Variants in HSPA9 observed in about 807,000 individuals in gnomAD.
HSPA9 encodes stress-70 protein, mitochondrial.
Under a neutral mutation model 81.5 loss-of-function variants are expected in HSPA9, and 28 were observed. The ratio of observed to expected loss-of-function variants is 0.34; its 90% CI spans 0.25 to 0.47. The LOEUF is 0.47. Ranked by LOEUF, HSPA9 falls within the 20% of genes least tolerant of loss-of-function variation. The pLI, the probability that HSPA9 is intolerant of heterozygous loss-of-function variation, is 1.00. For synonymous variants in HSPA9, 293 were observed against 290.4 expected, an observed-to-expected ratio of 1.01 and a Z score of -0.09; for missense variants, 678 against 838.0, an observed-to-expected ratio of 0.81 and a Z score of 2.36.
At chr5:138,572,768 T>C (rs1399331013) in intron 3 of HSPA9, among the ~76,000 whole-genome samples, 1 of 152,228 alleles carries the variant, frequency 6.6e-6, no homozygotes, top group Non-Finnish European at 1.5e-5. Context: ...TTGGGCTTCT[T>C]GGCATTTTTC....
In HSPA9 at chr5:138,555,452, A is replaced by AG. The variant is rs1160476244; in HGVS notation, c.*584dup. The AG allele has an allele frequency of 6.5e-6, 1 of 154,840 alleles. No individual in the cohort carries two copies. The highest frequency in any genetic ancestry group is 1.9e-4 in the East Asian group (1 of 5,268). The allele number at this position is 154,840 out of a possible 1,614,324, so 9.6% of individuals were successfully genotyped here. On this transcript the variant is annotated 3_prime_UTR_variant, in exon 17 of 17. Transcript: ENST00000297185. ...GAAGGTAGCTAGAAAAGTATGCCTT[A>AG]GGGAAGTTAAAGGTCTAGCCTCATT...
rs774935246 is a variant in HSPA9 at position 138,568,924 on chromosome 5, C to A, written c.535+1G>T. 6.2e-7 allele frequency: 1 copy of A among 1,613,822 alleles called. No homozygotes were observed. The highest frequency in any genetic ancestry group is 1.1e-5 in the South Asian group (1 of 91,066). The stretch of plus-strand genomic sequence containing the variant: ...CCCAGATGTGAACTAAACCCACTCA[C>A]CTGCAGTCTCTTTCATCTTCATCAA... On this transcript the variant is annotated splice_donor_variant, in intron 5 of 16. Coordinates refer to ENST00000297185, the MANE Select transcript of HSPA9 (RefSeq NM_004134.7). LOFTEE classifies it high-confidence loss of function.
rs375708550 is a variant in HSPA9 at position 138,567,734 on chromosome 5, T to G, written c.536-12A>C. 119 of 1,595,958 alleles carry G rather than the reference T, an allele frequency of 7.5e-5. No homozygotes were observed. Among genetic ancestry groups the G allele is most frequent in the Non-Finnish European group, 9.3e-5 (108 of 1,164,138 alleles). On this transcript the variant is annotated splice_polypyrimidine_tract_variant and intron_variant, in intron 5 of 16. Transcript: ENST00000297185. ...CCCCAAGTAATTTTCTGGAAAAGAA[T>G]GAAATTCAATCATGGAATTCTGTCA...
intron 5 of HSPA9, 58 bp from the exon 6 acceptor site, chr5:138,567,780 C>G: frequency 8.0e-7 from 1 of 1,246,230 alleles, no homozygotes; most frequent in Non-Finnish European, 1.2e-6. Flanking sequence ...ATTAATATAG[C>G]CCAACAACCT....
chr5:138,561,677 G>A lies in HSPA9; in HGVS notation c.1085C>T (p.Thr362Ile). 6.2e-7 allele frequency: 1 copy of A among 1,614,152 alleles called. No individual in the cohort carries two copies. The highest frequency in any genetic ancestry group is 1.1e-5 in the South Asian group (1 of 91,084). ...CATAGCTTTTTGGCATGGAGCGATA[G>A]TCCTTCTGATTAGATCAGTGACAAT... ...EGIVTDLIRRTIAPCQKAMQD... is the reference protein window; with the variant it reads ...EGIVTDLIRRIIAPCQKAMQD... Residue 362 changes from threonine to isoleucine, a missense_variant, in exon 10 of 17, where the codon ACT (threonine) becomes ATT (isoleucine). Thr to Ile is a moderately conservative substitution (Grantham distance 89). Coordinates refer to ENST00000297185, the MANE Select transcript of HSPA9 (RefSeq NM_004134.7).
At chr5:138,557,326 T>C in intron 14 of HSPA9, 76 bp downstream of exon 14, 2 of 997,622 alleles carry the variant, frequency 2.0e-6, no homozygotes, top group Admixed American at 1.9e-5. Flanking sequence ...AGTGAGACAC[T>C]GCGCCCAGCC....
intron 16 of HSPA9, 53 bp downstream of exon 16, chr5:138,556,399 G>C (rs1344997779): frequency 1.9e-6 from 3 of 1,598,178 alleles, no homozygotes; most frequent in African/African-American, 2.7e-5. Context: ...CAGTCATCAA[G>C]AACAGTTCCA....
chr5:138,557,375 A>AAATC (rs1178193498), intron 14 of HSPA9, 27 bp downstream of exon 14: 2 of 1,480,430 alleles, frequency 1.4e-6, no homozygotes, highest in Non-Finnish European at 1.9e-6. Context: ...TACTAAGATT[A>AAATC]AAGTTCAGAA....
chr5:138,557,551 C>T, intron 13 of HSPA9, 55 bp from the exon 14 acceptor site: 2 of 1,039,862 alleles, frequency 1.9e-6, no homozygotes, highest in South Asian at 1.3e-5. Flanking sequence ...TATGCCTCTT[C>T]TTCCTCCATT....
chr5:138,572,615 T>G (rs906622852), intron 3 of HSPA9, among the ~76,000 whole-genome samples: 2 of 152,200 alleles, frequency 1.3e-5, no homozygotes, highest in African/African-American at 4.8e-5. Flanking sequence ...AATTCTTGAC[T>G]CTTGCTTCTT....
rs1430090176 is a variant in HSPA9, at chr5:138,554,926, T to C, written c.*1111A>G. The C allele has an allele frequency of 6.6e-6, 1 of 152,184 alleles. No individual in the cohort carries two copies. Among genetic ancestry groups the C allele is most frequent in the East Asian group, 1.9e-4 (1 of 5,202 alleles). The allele number at this position is 152,184 out of a possible 1,614,324, so 9.4% of individuals were successfully genotyped here. A position where few individuals can be genotyped will look rare whatever the true frequency, so the allele number is the denominator to read the frequency against. ...TCCTTTTATTTTTGAGCCATAGAAATAGTATCTTAGGACTTATTTCTAGAT... is the reference window on the plus strand; with the variant it reads ...TCCTTTTATTTTTGAGCCATAGAAACAGTATCTTAGGACTTATTTCTAGAT... On this transcript the variant is annotated 3_prime_UTR_variant, in exon 17 of 17. Coordinates refer to ENST00000297185, the MANE Select transcript of HSPA9 (RefSeq NM_004134.7).
At position 138,556,470 on chromosome 5, in the gene HSPA9, G is replaced by T. The variant is rs148730345; in HGVS notation, c.1944C>A (p.Phe648Leu). ...SSLQQASLKLFEMAYKKMASE... is the reference protein window; with the variant it reads ...SSLQQASLKLLEMAYKKMASE... ...CTTGTACCTTTTTGTATGCCATTTC[G>T]AACAGCTTCAGTGATGCCTGCTGAA... Residue 648 changes from phenylalanine to leucine, a missense_variant, in exon 16 of 17, where the codon TTC becomes TTA. Coordinates refer to ENST00000297185, the MANE Select transcript of HSPA9 (RefSeq NM_004134.7). The T allele has an allele frequency of 1.2e-6, 2 of 1,613,830 alleles. No homozygotes were observed. The highest frequency in any genetic ancestry group is 2.2e-5 in the South Asian group (2 of 91,070).
intron 9 of HSPA9, 89 bp downstream of exon 9, chr5:138,566,537 A>G (rs1053545983): frequency 2.1e-6 from 2 of 968,782 alleles, no homozygotes; most frequent in African/African-American, 3.2e-5. Context: ...AACTCAACTG[A>G]CATTAGGCCA....
chr5:138,566,542 A>C, intron 9 of HSPA9, 84 bp downstream of exon 9: 1 of 986,840 alleles, frequency 1.0e-6, no homozygotes, highest in Non-Finnish European at 1.6e-6. Context: ...AACTGACATT[A>C]GGCCAATTAG....
At chr5:138,559,411 T>A (rs989279373) in intron 11 of HSPA9, among the ~76,000 whole-genome samples, 1 of 152,126 alleles carries the variant, frequency 6.6e-6, no homozygotes, top group Non-Finnish European at 1.5e-5. Flanking sequence ...CCAGAAATAA[T>A]TCCTACTTCA....
rs904225344 is a variant in HSPA9, at chr5:138,555,607, T to A, written c.*430A>T. The A allele has an allele frequency of 4.5e-6, 1 of 222,392 alleles. No homozygotes were observed. The highest frequency in any genetic ancestry group is 2.3e-5 in the African/African-American group (1 of 42,742). The allele number at this position is 222,392 out of a possible 1,614,324, so 13.8% of individuals were successfully genotyped here. A position where few individuals can be genotyped will look rare whatever the true frequency, so the allele number is the denominator to read the frequency against. ...AAGGCCTCAGTTGAAGGACCCCATGTACATACAGGCCAGTACAGCAGTACT... is the reference window on the plus strand; with the variant it reads ...AAGGCCTCAGTTGAAGGACCCCATGAACATACAGGCCAGTACAGCAGTACT... On this transcript the variant is annotated 3_prime_UTR_variant, in exon 17 of 17. Transcript: ENST00000297185.
chr5:138,571,567 C>T lies in HSPA9; in HGVS notation c.229-426G>A, dbSNP rs568430359. ...AACAAATGCACATCAACAATACTAC[C>T]GGGCATGCTTTACTGCTGATAGTTA... On this transcript the variant is annotated intron_variant, in intron 3 of 16. Transcript: ENST00000297185. Among the ~76,000 whole-genome samples, 6 of 152,200 alleles carry T rather than the reference C, an allele frequency of 3.9e-5. No homozygotes were observed. In the South Asian group the frequency reaches 8.3e-4, roughly 21 times the overall value.
intron 9 of HSPA9, among the ~76,000 whole-genome samples, chr5:138,562,827 T>C (rs1264497349): frequency 3.3e-5 from 5 of 152,226 alleles, no homozygotes. Context: ...CTCTGTAAGT[T>C]CCAGGACGTT....
Position 138,561,758 on chromosome 5 carries a change from T to A in HSPA9, c.1004A>T (p.Asp335Val). 1 of 1,614,082 alleles carries A rather than the reference T, an allele frequency of 6.2e-7. No individual in the cohort carries two copies. The highest frequency in any genetic ancestry group is 1.1e-5 in the South Asian group (1 of 91,074). ...ATTCAAATGCTTGGGTCCAGAAGAA[T>A]CCATTGTAAGATAGGGCAAATTGAT... ...TDINLPYLTM[D>V]SSGPKHLNMK... The change falls in exon 10 of 17, where the codon GAT (aspartate) becomes GTT (valine). Residue 335 changes from aspartate to valine, a missense_variant. Around this residue, in one of 4 missense-constraint regions of HSPA9, gnomAD observed 484 missense variants for 647.5 expected, o/e 0.75. Transcript: ENST00000297185.
Sources: gnomAD v4.1 joint callset for allele counts (sites outside exome capture counted in the v4.1 genomes callset) on GRCh38, gnomAD v4.1.1 for gene constraint, gnomAD v4.1.1 regional missense constraint, MANE v1.5 for transcripts, NCBI Gene and HGNC (gene_info 2026-07-23, HGNC 2026-07-21) for gene names.